Variants in CCDC18 observed in about 807,000 individuals in gnomAD.
CCDC18 encodes the protein coiled-coil domain containing 18, also known as coiled-coil domain-containing protein 18.
In CCDC18, 157 loss-of-function variants were observed where a neutral mutation model predicts 196.0. That is an observed-to-expected ratio of 0.80 (90% confidence interval 0.70 to 0.91). CCDC18 has a LOEUF of 0.91. Ranked by LOEUF, CCDC18 falls within the 40% of genes least tolerant of loss-of-function variation. The probability of loss-of-function intolerance (pLI) is 0.00; values close to 1 mark genes in which losing one functional copy is unlikely to be tolerated. For missense variants in CCDC18, 1,465 were observed against 1,611.6 expected, an observed-to-expected ratio of 0.91 and a Z score of 1.56; for synonymous variants, 482 against 529.2, an observed-to-expected ratio of 0.91 and a Z score of 1.22.
At chr1:93,199,075 G>T (rs1026098696) in intron 6 of CCDC18, among the ~76,000 whole-genome samples, 1 of 152,236 alleles carries the variant, frequency 6.6e-6, no homozygotes, top group Non-Finnish European at 1.5e-5. Flanking sequence ...GGCACAATAT[G>T]CTGTTTTGGG....
chr1:93,247,197 G>T (rs186458048), intron 23 of CCDC18, among the ~76,000 whole-genome samples: 1 of 151,912 alleles, frequency 6.6e-6, no homozygotes, highest in Non-Finnish European at 1.5e-5. Context: ...AAAGCTTTGG[G>T]ATTACAGGCG....
At chr1:93,258,938 A>G in intron 26 of CCDC18, 53 bp downstream of exon 26, 1 of 1,476,200 alleles carries the variant, frequency 6.8e-7, no homozygotes, top group Non-Finnish European at 9.1e-7. Context: ...AGGTTGACCT[A>G]TCTGGACAAA....
Position 93,184,116 on chromosome 1 carries a change from C to A in CCDC18, c.273C>A (p.Ser91Arg). The A allele has an allele frequency of 6.5e-7, 1 of 1,527,696 alleles. No homozygotes were observed. The highest frequency in any genetic ancestry group is 8.8e-7 in the Non-Finnish European group (1 of 1,130,804). 94.6% of individuals were successfully genotyped at this position (1,527,696 alleles called of 1,614,324 possible). ...YENVCKISGS[S>R]TDFQKKPRDK... ...ACGTCTGTAAAATATCTGGTAGCAG[C>A]ACTGATTTTCAAAAAAAGCCAAGAG... The change falls in exon 3 of 29, where the codon AGC becomes AGA. Residue 91 changes from serine to arginine, a missense_variant. Ser to Arg is a moderately radical substitution (Grantham distance 110). Coordinates refer to ENST00000690025, the MANE Select transcript of CCDC18 (RefSeq NM_001378204.1).
chr1:93,180,380 G>T (rs923325766), upstream of CCDC18: 9 of 1,257,076 alleles, frequency 7.2e-6, no homozygotes, highest in African/African-American at 1.6e-5. Flanking sequence ...CGGCGGCGGC[G>T]AACACTCCCT....
At position 93,207,317 on chromosome 1, in the gene CCDC18, G is replaced by A. The variant is rs751568523; in HGVS notation, c.1128G>A (p.Glu376=). 7 of 1,613,368 alleles carry A rather than the reference G, an allele frequency of 4.3e-6. No homozygotes were observed. The highest frequency in any genetic ancestry group is 5.9e-6 in the Non-Finnish European group (7 of 1,179,532). ...AGGTCCGTGTTGCAGCACAGAATGA[G>A]CGACTAGATTTATGTCAACAAGAAA... is the stretch of plus-strand genomic sequence containing the variant. The part of the protein sequence containing the change: ...ELKVRVAAQN[E]RLDLCQQEIE... The change falls in exon 9 of 29, where the codon GAG becomes GAA. Residue 376 remains glutamate (E), a synonymous_variant. Transcript: ENST00000690025.
intron 27 of CCDC18, among the ~76,000 whole-genome samples, chr1:93,266,610 A>G (rs1664554937): frequency 6.6e-6 from 1 of 152,202 alleles, no homozygotes; most frequent in Non-Finnish European, 1.5e-5. Flanking sequence ...GATAAAGAGG[A>G]TATCACCACT....
intron 19 of CCDC18, among the ~76,000 whole-genome samples, chr1:93,238,866 T>TA (rs577865947): frequency 6.6e-6 from 1 of 152,020 alleles, no homozygotes; most frequent in African/African-American, 2.4e-5. Flanking sequence ...CTTTTAAAGC[T>TA]AAAAAAAGGA....
At chr1:93,256,183 G>GATACTCATTGTATGTTAAATTTTAAC (rs542713932) in intron 24 of CCDC18, 152 bp from the exon 25 acceptor site, 45 of 647,574 alleles carry the variant, frequency 6.9e-5, no homozygotes, top group African/African-American at 5.0e-4. Context: ...CACAGTGGGT[G>GATACTCATTGTATGTTAAATTTTAAC]ATACTCATTG....
intron 17 of CCDC18, among the ~76,000 whole-genome samples, chr1:93,227,914 C>T (rs183384843): frequency 6.5e-4 from 96 of 147,334 alleles, no homozygotes; most frequent in East Asian, 5.2e-3. Flanking sequence ...GCTGTGATCA[C>T]GCCACTGCAC....
intron 28 of CCDC18, chr1:93,273,620 C>T (rs758148214): frequency 1.3e-5 from 2 of 152,204 alleles, no homozygotes; most frequent in Non-Finnish European, 2.9e-5. Context: ...CAGCATGTCC[C>T]TTTCTCCCCT....
At chr1:93,205,704 A>AAAATATTGTG in intron 8 of CCDC18, 73 bp downstream of exon 8, 4 of 1,336,610 alleles carry the variant, frequency 3.0e-6, no homozygotes, top group Non-Finnish European at 4.2e-6. Flanking sequence ...AAAACACAAT[A>AAAATATTGTG]TTTTATTGTT....
Position 93,183,998 on chromosome 1 carries a change from C to G in CCDC18, c.155C>G (p.Ser52Cys), listed in dbSNP as rs1260196739. The change falls in exon 3 of 29, where the codon TCT becomes TGT. Residue 52 changes from serine to cysteine, a missense_variant. Transcript: ENST00000690025. ...ELSSVSPSEN[S>C]DYAPNPSRSE... Reference sequence around the variant, plus strand: ...TCTAGTGTTAGTCCAAGTGAAAATTCTGATTATGCCCCTAATCCTTCAAGG... The same window carrying G: ...TCTAGTGTTAGTCCAAGTGAAAATTGTGATTATGCCCCTAATCCTTCAAGG... The G allele has an allele frequency of 1.3e-6, 2 of 1,540,560 alleles. No individual in the cohort carries two copies. Among genetic ancestry groups the G allele is most frequent in the East Asian group, 4.7e-5 (2 of 42,622 alleles).
chr1:93,205,656 G>T lies in CCDC18; in HGVS notation c.917+25G>T, dbSNP rs761677016. On this transcript the variant is annotated intron_variant, in intron 8 of 28. Transcript: ENST00000690025. ...GGTACAGTATTCTGTTGTAGAAAAAGGATTTTTGTGTGGACATGGAAAAAA... is the reference window on the plus strand; with the variant it reads ...GGTACAGTATTCTGTTGTAGAAAAATGATTTTTGTGTGGACATGGAAAAAA... 20 of 1,560,888 alleles carry T rather than the reference G, an allele frequency of 1.3e-5. No homozygotes were observed. The African/African-American group carries it at 2.4e-4, about 18-fold the overall frequency.
chr1:93,245,957 A>T, intron 21 of CCDC18, 148 bp from the exon 22 acceptor site: 1 of 447,256 alleles, frequency 2.2e-6, no homozygotes, highest in Non-Finnish European at 4.0e-6. Context: ...TTTATCTATT[A>T]TTCCTTAAAT....
intron 14 of CCDC18, among the ~76,000 whole-genome samples, chr1:93,220,569 T>C (rs1657253003): frequency 6.6e-6 from 1 of 152,114 alleles, no homozygotes; most frequent in South Asian, 2.1e-4. Flanking sequence ...ACAACGACAG[T>C]GTAAAGGGGG....
At chr1:93,261,064 T>C (rs1663716277) in intron 26 of CCDC18, among the ~76,000 whole-genome samples, 1 of 152,242 alleles carries the variant, frequency 6.6e-6, no homozygotes, top group Admixed American at 6.5e-5. Flanking sequence ...TTGTGAATAG[T>C]GCTGCAATAA....
chr1:93,201,702 A>G (rs1653864221), intron 6 of CCDC18, among the ~76,000 whole-genome samples, 190 bp from the exon 7 acceptor site: 2 of 150,754 alleles, frequency 1.3e-5, no homozygotes, highest in Admixed American at 6.6e-5. Flanking sequence ...TTTCATATTG[A>G]TAGAGTGAGA....
chr1:93,264,945 T>TA, intron 27 of CCDC18, 44 bp downstream of exon 27: 1 of 1,362,040 alleles, frequency 7.3e-7, no homozygotes, highest in East Asian at 2.3e-5. Context: ...TATGAAAACA[T>TA]AAATGTCTGA....
In CCDC18 at chr1:93,270,764, G is replaced by A; in HGVS notation, c.4303G>A (p.Val1435Ile). 1 of 1,546,880 alleles carries A rather than the reference G, an allele frequency of 6.5e-7. No homozygotes were observed. The highest frequency in any genetic ancestry group is 8.7e-7 in the Non-Finnish European group (1 of 1,145,918). The change falls in exon 28 of 29, where the codon GTA becomes ATA. Residue 1435 changes from valine (V) to isoleucine (I), a missense_variant. By Grantham distance (29) the Val-to-Ile change is conservative. Transcript: ENST00000690025. ...SGMLRYINKE[V>I]RLLKKSSMQT... is the part of the protein sequence containing the mutation. ...GATGCTAAGATACATAAACAAAGAA[G>A]TAAGACTATTAAAAAAGTCTTCTAT... is the stretch of plus-strand genomic sequence containing the variant.
Sources: gnomAD v4.1 joint callset for allele counts (sites outside exome capture counted in the v4.1 genomes callset) on GRCh38, gnomAD v4.1.1 for gene constraint, MANE v1.5 for transcripts, NCBI Gene and HGNC (gene_info 2026-07-23, HGNC 2026-07-21) for gene names.